The following ARFGAP3 variants were observed in gnomAD, a reference collection of about 807,000 sequenced individuals.
The protein encoded by ARFGAP3 is ARF GTPase activating protein 3, also known as ADP-ribosylation factor GTPase-activating protein 3.
Under a neutral mutation model 75.0 loss-of-function variants are expected in ARFGAP3, and 72 were observed. The ratio of observed to expected loss-of-function variants is 0.96; its 90% CI spans 0.79 to 1.17. The LOEUF (loss-of-function observed/expected upper bound fraction) is 1.17. Ranked by LOEUF, ARFGAP3 falls within the 50% of genes most tolerant of loss-of-function variation. The pLI, the probability that ARFGAP3 is intolerant of heterozygous loss-of-function variation, is 0.00. For synonymous variants in ARFGAP3, 221 were observed against 217.9 expected, an observed-to-expected ratio of 1.01 and a Z score of -0.13; for missense variants, 620 against 626.6, an observed-to-expected ratio of 0.99 and a Z score of 0.11.
At chr22:42,838,298 TTTC>T (rs1224962440) in intron 3 of ARFGAP3, among the ~76,000 whole-genome samples, 2 of 148,156 alleles carry the variant, frequency 1.3e-5, no homozygotes, top group African/African-American at 5.0e-5. Context: ...ATATTTTTTT[TTTC>T]TTTTTTTTTT....
intron 14 of ARFGAP3, among the ~76,000 whole-genome samples, chr22:42,800,403 C>T (rs529407214): frequency 6.6e-6 from 1 of 152,178 alleles, no homozygotes; most frequent in Non-Finnish European, 1.5e-5. Context: ...TGGTGGCACA[C>T]ACCTGTAACC....
chr22:42,837,267 A>T (rs1160485332), intron 3 of ARFGAP3, among the ~76,000 whole-genome samples: 1 of 152,148 alleles, frequency 6.6e-6, no homozygotes, highest in Non-Finnish European at 1.5e-5. Flanking sequence ...TTCGAGACCA[A>T]CCTGGGAACC....
intron 3 of ARFGAP3, among the ~76,000 whole-genome samples, chr22:42,836,328 G>A (rs1198667469): frequency 6.6e-6 from 1 of 152,058 alleles, no homozygotes; most frequent in East Asian, 1.9e-4. Context: ...CTGGAGGGTA[G>A]TGTGGCATGA....
intron 6 of ARFGAP3, among the ~76,000 whole-genome samples, chr22:42,830,607 G>A (rs938581153): frequency 3.3e-5 from 5 of 152,152 alleles, no homozygotes; most frequent in African/African-American, 1.2e-4. Flanking sequence ...CCTAACAAAG[G>A]ATGCACAACT....
At chr22:42,827,898 G>T (rs1282686468) in intron 6 of ARFGAP3, among the ~76,000 whole-genome samples, 3 of 152,052 alleles carry the variant, frequency 2.0e-5, no homozygotes, top group African/African-American at 4.8e-5. Flanking sequence ...TCCCACCTTG[G>T]CCTCCCAAAG....
At position 42,827,064 on chromosome 22, in the gene ARFGAP3, T is replaced by C. The variant is rs1294307485; in HGVS notation, c.566-65A>G. 3.8e-6 allele frequency: 6 copies of C among 1,585,306 alleles called. No homozygotes were observed. The East Asian group carries it at 9.1e-5, about 24-fold the overall frequency. On this transcript the variant is annotated intron_variant, in intron 6 of 15. Transcript: ENST00000263245. ...CTCAGCTAACTTGCTTTTGAATATATAATAATTCAACTTGCTCAGTGCTAC... is the reference window on the plus strand; with the variant it reads ...CTCAGCTAACTTGCTTTTGAATATACAATAATTCAACTTGCTCAGTGCTAC...
intron 9 of ARFGAP3, among the ~76,000 whole-genome samples, chr22:42,820,740 C>T (rs941696748): frequency 5.9e-5 from 9 of 151,614 alleles, no homozygotes; most frequent in Admixed American, 3.3e-4. Context: ...ATGCACCCTC[C>T]GCCCTTCTCT....
intron 11 of ARFGAP3, among the ~76,000 whole-genome samples, chr22:42,812,404 G>T (rs1467346422): frequency 2.0e-5 from 3 of 152,086 alleles, no homozygotes; most frequent in Non-Finnish European, 2.9e-5. Context: ...GAATGCAGAG[G>T]CCTTAACAGA....
chr22:42,804,329 C>T (rs1002005318), intron 14 of ARFGAP3, among the ~76,000 whole-genome samples: 1 of 151,670 alleles, frequency 6.6e-6, no homozygotes, highest in Non-Finnish European at 1.5e-5. Flanking sequence ...TGTGCCTCAG[C>T]CGCCTGAGTG....
At position 42,807,155 on chromosome 22, in the gene ARFGAP3, G is replaced by A. The variant is rs1404901126; in HGVS notation, c.1329C>T (p.Thr443=). The A allele has an allele frequency of 4.3e-6, 7 of 1,611,306 alleles. No homozygotes were observed. In the African/African-American group the frequency reaches 9.4e-5, roughly 22 times the overall value. The change falls in exon 14 of 16, where the codon ACC becomes ACT. Residue 443 remains threonine (T), a synonymous_variant. Transcript: ENST00000263245. ...FGRQSQADYE[T]RARLERLSAS... is the part of the protein sequence containing the mutation. The stretch of plus-strand genomic sequence containing the variant: ...CCGACAGCCTCTCTAGGCGGGCCCT[G>A]GTCTCATACTAGAGAAGACAAGGAA...
chr22:42,851,200 A>G (rs1439724102), intron 1 of ARFGAP3, among the ~76,000 whole-genome samples: 1 of 152,242 alleles, frequency 6.6e-6, no homozygotes, highest in African/African-American at 2.4e-5. Flanking sequence ...ACAGTCTAGC[A>G]GTCCAGTGGG....
At chr22:42,856,793 G>A (rs1481984942) in intron 1 of ARFGAP3, among the ~76,000 whole-genome samples, 1 of 150,842 alleles carries the variant, frequency 6.6e-6, no homozygotes, top group African/African-American at 2.4e-5. Context: ...CCCCGAGGAT[G>A]CCCCCGCCCC....
chr22:42,840,821 T>G, intron 3 of ARFGAP3, 123 bp downstream of exon 3: 1 of 1,038,366 alleles, frequency 9.6e-7, no homozygotes. Context: ...GCCTGTAATT[T>G]CAGCCTCCCA....
chr22:42,812,886 C>T (rs1450902328), intron 11 of ARFGAP3, among the ~76,000 whole-genome samples: 1 of 152,234 alleles, frequency 6.6e-6, no homozygotes, highest in East Asian at 1.9e-4. Context: ...ACCAGGCTCT[C>T]CCTATGGCGG....
intron 2 of ARFGAP3, among the ~76,000 whole-genome samples, chr22:42,846,239 A>G (rs935904622): frequency 1.3e-5 from 2 of 152,142 alleles, no homozygotes; most frequent in African/African-American, 4.8e-5. Context: ...ATCTCTGGAA[A>G]TTGTCTGGGG....
At chr22:42,837,720 C>T (rs926153963) in intron 3 of ARFGAP3, among the ~76,000 whole-genome samples, 1 of 109,784 alleles carries the variant, frequency 9.1e-6, no homozygotes, top group Admixed American at 1.3e-4. Flanking sequence ...CTTGATTACC[C>T]AGGCTGGAGT....
At chr22:42,798,388 G>A (rs995541359) in intron 15 of ARFGAP3, among the ~76,000 whole-genome samples, 4 of 152,158 alleles carry the variant, frequency 2.6e-5, no homozygotes, top group Non-Finnish European at 5.9e-5. Flanking sequence ...CTTTAGCAGC[G>A]TTTTACATTA....
intron 1 of ARFGAP3, among the ~76,000 whole-genome samples, chr22:42,854,746 T>G (rs186045867): frequency 2.6e-5 from 4 of 152,352 alleles, no homozygotes; most frequent in Admixed American, 6.5e-5. Context: ...TAAGCCGACT[T>G]GTTTTTCTTT....
chr22:42,807,934 G>A lies in ARFGAP3; in HGVS notation c.1321-771C>T, dbSNP rs200431021. On this transcript the variant is annotated intron_variant, in intron 13 of 15. Transcript: ENST00000263245. ...TAATTTTTGTATTTTTTGTAGAGACGGAGTTTCATCATGTTGGCCAGGCTG... is the reference window on the plus strand; with the variant it reads ...TAATTTTTGTATTTTTTGTAGAGACAGAGTTTCATCATGTTGGCCAGGCTG... Among the ~76,000 whole-genome samples the A allele has an allele frequency of 1.9e-4, 29 of 151,268 alleles. 3 individuals are homozygous for A. In the East Asian group the frequency reaches 4.8e-3, roughly 25 times the overall value.
Sources: gnomAD v4.1 joint callset for allele counts (sites outside exome capture counted in the v4.1 genomes callset) on GRCh38, gnomAD v4.1.1 for gene constraint, MANE v1.5 for transcripts, NCBI Gene and HGNC (gene_info 2026-07-23, HGNC 2026-07-21) for gene names.